MYO5B: variants seen among roughly 807,000 people sequenced by gnomAD.
MYO5B encodes the protein unconventional myosin-Vb.
A neutral mutation model predicts 229.3 loss-of-function variants in MYO5B; 143 were observed. That is an observed-to-expected ratio of 0.62 (90% confidence interval 0.54 to 0.72). The LOEUF is 0.72. Among genes scored for constraint, MYO5B ranks in the 30% least tolerant of loss-of-function variants. MYO5B has a pLI of 0.00. For missense variants in MYO5B, 2,321 were observed against 2,331.0 expected, an observed-to-expected ratio of 1.00 and a Z score of 0.09; for synonymous variants, 918 against 885.2, an observed-to-expected ratio of 1.04 and a Z score of -0.66.
intron 1 of MYO5B, among the ~76,000 whole-genome samples, chr18:50,093,203 C>CAG (rs1485092541): frequency 1.3e-4 from 12 of 92,030 alleles, no homozygotes; most frequent in African/African-American, 6.1e-4. Flanking sequence ...CACACACACA[C>CAG]ACAGACACAC....
intron 9 of MYO5B, among the ~76,000 whole-genome samples, chr18:49,979,876 C>T (rs1194875963): frequency 6.6e-6 from 1 of 152,226 alleles, no homozygotes; most frequent in Non-Finnish European, 1.5e-5. Flanking sequence ...TCCACTTAGA[C>T]ATTTACCTAC....
intron 1 of MYO5B, among the ~76,000 whole-genome samples, chr18:50,105,047 T>C (rs2031729503): frequency 7.1e-6 from 1 of 141,178 alleles, no homozygotes; most frequent in South Asian, 2.3e-4. Context: ...AGTTAAGACT[T>C]GGCTTCTGGA....
intron 4 of MYO5B, among the ~76,000 whole-genome samples, chr18:50,029,857 T>C (rs2026369103): frequency 6.6e-6 from 1 of 152,110 alleles, no homozygotes; most frequent in Admixed American, 6.5e-5. Context: ...CTGCATAGCA[T>C]ACCACTTACA....
chr18:50,057,761 A>G (rs979468649), intron 1 of MYO5B, among the ~76,000 whole-genome samples: 2 of 152,188 alleles, frequency 1.3e-5, no homozygotes, highest in African/African-American at 2.4e-5. Flanking sequence ...TGGGACCCCA[A>G]TGGTACTTTA....
At chr18:49,918,134 C>G (rs1295989746) in intron 17 of MYO5B, among the ~76,000 whole-genome samples, 1 of 152,204 alleles carries the variant, frequency 6.6e-6, no homozygotes, top group Non-Finnish European at 1.5e-5. Flanking sequence ...GTTTGGCTAA[C>G]GGAGGTCCCA....
At chr18:50,125,485 C>T (rs1328894807) in intron 1 of MYO5B, among the ~76,000 whole-genome samples, 1 of 151,774 alleles carries the variant, frequency 6.6e-6, no homozygotes, top group Non-Finnish European at 1.5e-5. Context: ...CAAACCTGCA[C>T]GTTGTGTACA....
chr18:49,887,312 G>A (rs1036848878), intron 22 of MYO5B, among the ~76,000 whole-genome samples: 12 of 152,158 alleles, frequency 7.9e-5, no homozygotes, highest in Non-Finnish European at 1.5e-5. Context: ...GATATTGACT[G>A]TGTGTAGGAT....
chr18:49,858,517 C>T (rs1406514511), intron 29 of MYO5B, among the ~76,000 whole-genome samples: 1 of 152,198 alleles, frequency 6.6e-6, no homozygotes, highest in Non-Finnish European at 1.5e-5. Flanking sequence ...CAGCCTCCAG[C>T]CCCCCACCCC....
At chr18:50,094,717 T>A (rs985091895) in intron 1 of MYO5B, among the ~76,000 whole-genome samples, 2 of 151,610 alleles carry the variant, frequency 1.3e-5, no homozygotes, top group Admixed American at 1.3e-4. Flanking sequence ...GATCTCCTCA[T>A]CCATAAACCT....
intron 4 of MYO5B, among the ~76,000 whole-genome samples, chr18:50,025,766 A>C (rs991257549): frequency 6.6e-6 from 1 of 152,200 alleles, no homozygotes; most frequent in African/African-American, 2.4e-5. Flanking sequence ...TACAATGACA[A>C]GGACCCCAGC....
At chr18:49,904,022 T>C (rs2024872396) in intron 20 of MYO5B, among the ~76,000 whole-genome samples, 1 of 152,276 alleles carries the variant, frequency 6.6e-6, no homozygotes, top group Non-Finnish European at 1.5e-5. Flanking sequence ...CTGGCCCTGC[T>C]GTTGGCTGGC....
At chr18:50,163,071 T>A (rs570167948) in intron 1 of MYO5B, among the ~76,000 whole-genome samples, 11 of 152,360 alleles carry the variant, frequency 7.2e-5, no homozygotes, top group African/African-American at 2.4e-4. Context: ...TGAAGTATAG[T>A]ACTATCAGCA....
chr18:50,080,085 C>T (rs2031182850), intron 1 of MYO5B, among the ~76,000 whole-genome samples: 1 of 152,106 alleles, frequency 6.6e-6, no homozygotes, highest in Non-Finnish European at 1.5e-5. Context: ...ATTGTGCAAC[C>T]AACACCACTG....
intron 21 of MYO5B, among the ~76,000 whole-genome samples, chr18:49,901,054 G>T (rs1682031386): frequency 6.6e-6 from 1 of 152,228 alleles, no homozygotes; most frequent in South Asian, 2.1e-4. Context: ...AAAATTGTAT[G>T]AAGATCAAAT....
intron 1 of MYO5B, among the ~76,000 whole-genome samples, chr18:50,077,523 A>ACACACACACG (rs1377942284): frequency 2.7e-5 from 4 of 147,374 alleles, no homozygotes; most frequent in Non-Finnish European, 4.4e-5. Flanking sequence ...ACACACACAC[A>ACACACACACG]CACACACACA....
At chr18:50,177,617 G>A (rs1431062733) in intron 1 of MYO5B, among the ~76,000 whole-genome samples, 2 of 152,192 alleles carry the variant, frequency 1.3e-5, no homozygotes, top group Admixed American at 6.5e-5. Context: ...CAGTTTTCCA[G>A]GTGAACAAAG....
intron 1 of MYO5B, among the ~76,000 whole-genome samples, chr18:50,085,242 A>C (rs536557143): frequency 9.7e-4 from 148 of 152,340 alleles, no homozygotes; most frequent in African/African-American, 3.3e-3. Context: ...ACCCCATCAA[A>C]AAGTGGGTGA....
At chr18:50,039,505 G>C (rs1281553001) in intron 3 of MYO5B, among the ~76,000 whole-genome samples, 1 of 151,960 alleles carries the variant, frequency 6.6e-6, no homozygotes, top group Non-Finnish European at 1.5e-5. Flanking sequence ...CTAATTTTTT[G>C]TACTTTTAGT....
Position 49,888,315 on chromosome 18 carries a change from G to A in MYO5B, c.3045+6626C>T, listed in dbSNP as rs188408733. Among the ~76,000 whole-genome samples, 91 of 152,088 alleles carry A rather than the reference G, an allele frequency of 6.0e-4. No individual in the cohort carries two copies. The South Asian group carries it at 0.011, about 18-fold the overall frequency. Reference sequence around the variant, plus strand: ...AGAATGTCTCCAGGCACTGCCATACGTCCCCTAATGGCAAAATCACCCCGA... The same window carrying A: ...AGAATGTCTCCAGGCACTGCCATACATCCCCTAATGGCAAAATCACCCCGA... On this transcript the variant is annotated intron_variant, in intron 22 of 39. Transcript: ENST00000285039.
Sources: gnomAD v4.1 joint callset for allele counts (sites outside exome capture counted in the v4.1 genomes callset) on GRCh38, gnomAD v4.1.1 for gene constraint, MANE v1.5 for transcripts, NCBI Gene and HGNC (gene_info 2026-07-23, HGNC 2026-07-21) for gene names.